The following DPP6 variants were observed in gnomAD, a reference collection of about 807,000 sequenced individuals.
DPP6 encodes the protein A-type potassium channel modulatory protein DPP6.
DPP6 carries 69 observed loss-of-function variants against 122.6 expected under a neutral mutation model. That is an observed-to-expected ratio of 0.56 (90% CI 0.46 to 0.69). The LOEUF is 0.69. Ranked by LOEUF, DPP6 falls within the 30% of genes least tolerant of loss-of-function variation. The probability of loss-of-function intolerance (pLI) is 0.00; values close to 1 mark genes in which losing one functional copy is unlikely to be tolerated. For synonymous variants in DPP6, 418 were observed against 433.1 expected (o/e 0.97, Z 0.43); for missense variants, 928 against 1,116.9 (o/e 0.83, Z 2.41).
intron 1 of DPP6, among the ~76,000 whole-genome samples, chr7:154,346,368 G>A (rs1235653353): frequency 2.0e-5 from 3 of 151,902 alleles, no homozygotes; most frequent in Non-Finnish European, 4.4e-5. Context: ...AATGAATGGC[G>A]CAATCTCGGC....
chr7:154,509,907 A>C lies in DPP6; in HGVS notation c.458-30625A>C, dbSNP rs137884433. ...GAACTCTATACAGACAGAAAATGGG[A>C]TAGTGGTTGCTTAGAATGGGGGTGA... On this transcript the variant is annotated intron_variant, in intron 3 of 25. Coordinates refer to ENST00000377770, the MANE Select transcript of DPP6 (RefSeq NM_130797.4). 1.5e-3 allele frequency among the ~76,000 whole-genome samples: 226 copies of C among 152,256 alleles called. 1 individual carries two copies. The highest frequency in any genetic ancestry group is 6.8e-3 in the Middle Eastern group (2 of 294).
At chr7:153,764,966 C>T in the DPP6 span, among the ~76,000 whole-genome samples, 9 of 152,316 alleles carry the variant, frequency 5.9e-5, no homozygotes, top group South Asian at 4.1e-4. Context: ...GGCTCTGTGA[C>T]GCCGAATGGC....
intron 1 of DPP6, among the ~76,000 whole-genome samples, chr7:154,277,251 G>T (rs1040088810): frequency 2.0e-5 from 3 of 152,114 alleles, no homozygotes; most frequent in African/African-American, 4.8e-5. Flanking sequence ...GGAGTAGGTC[G>T]ATCTGCAAAT....
chr7:154,533,648 A>T lies in DPP6; in HGVS notation c.458-6884A>T, dbSNP rs150541519. On this transcript the variant is annotated intron_variant, in intron 3 of 25. Coordinates refer to ENST00000377770, the MANE Select transcript of DPP6 (RefSeq NM_130797.4). ...AATCACAAGAAAAAAAAGAATTAAG[A>T]CCAATATCCTTCATGATCATGAGGC... Among the ~76,000 whole-genome samples, 9 of 152,266 alleles carry T rather than the reference A, an allele frequency of 5.9e-5. No homozygotes were observed. The East Asian group carries it at 1.5e-3, about 26-fold the overall frequency.
chr7:154,063,548 G>C (rs1315970162), intron 1 of DPP6, among the ~76,000 whole-genome samples: 5 of 130,650 alleles, frequency 3.8e-5, no homozygotes, highest in Admixed American at 8.0e-5. Context: ...GCGAGGGTGG[G>C]GACTGAGAGC....
At chr7:154,848,664 G>A (rs1206833140) in intron 16 of DPP6, among the ~76,000 whole-genome samples, 1 of 152,194 alleles carries the variant, frequency 6.6e-6, no homozygotes, top group Non-Finnish European at 1.5e-5. Context: ...AATTTAGGAT[G>A]ATGCAATCCC....
intron 1 of DPP6, among the ~76,000 whole-genome samples, chr7:154,338,914 C>G (rs1218021520): frequency 6.6e-6 from 1 of 152,216 alleles, no homozygotes; most frequent in African/African-American, 2.4e-5. Flanking sequence ...TCTGCGCGTT[C>G]ATCCGTTTCT....
chr7:154,365,685 G>A (rs1812098681), intron 1 of DPP6, among the ~76,000 whole-genome samples: 2 of 152,150 alleles, frequency 1.3e-5, no homozygotes, highest in Non-Finnish European at 2.9e-5. Context: ...CAGGCGCGGT[G>A]GCTCATGCCT....
chr7:153,765,450 G>A, the DPP6 span, among the ~76,000 whole-genome samples: 1 of 151,874 alleles, frequency 6.6e-6, no homozygotes, highest in Non-Finnish European at 1.5e-5. Flanking sequence ...GCTGAGGCAG[G>A]AGAATCCCTT....
At chr7:154,076,337 C>T (rs1192006073) in intron 1 of DPP6, among the ~76,000 whole-genome samples, 1 of 151,868 alleles carries the variant, frequency 6.6e-6, no homozygotes, top group African/African-American at 2.4e-5. Context: ...GTAATCCCAG[C>T]TACTCGGGAG....
At chr7:154,544,386 C>A (rs1204343616) in intron 4 of DPP6, among the ~76,000 whole-genome samples, 1 of 152,142 alleles carries the variant, frequency 6.6e-6, no homozygotes, top group Non-Finnish European at 1.5e-5. Flanking sequence ...CTCTCCTCAG[C>A]TGTAAAGGCT....
chr7:154,587,919 C>T, intron 5 of DPP6: 1 of 1,612,920 alleles, frequency 6.2e-7, no homozygotes, highest in Non-Finnish European at 8.5e-7. Flanking sequence ...TCCCAGGAGG[C>T]AGGACTGCCA....
intron 1 of DPP6, among the ~76,000 whole-genome samples, chr7:154,150,251 T>G (rs530645131): frequency 1.3e-5 from 2 of 152,122 alleles, no homozygotes; most frequent in East Asian, 3.9e-4. Context: ...TTTTGAGAGC[T>G]CCCTCTCTCA....
chr7:154,798,158 C>T (rs1798153976), intron 12 of DPP6, among the ~76,000 whole-genome samples: 2 of 152,332 alleles, frequency 1.3e-5, no homozygotes, highest in South Asian at 4.1e-4. Context: ...AGCTGGCTTC[C>T]CAGCTGGCCA....
At chr7:154,212,584 G>A (rs1169289741) in intron 1 of DPP6, among the ~76,000 whole-genome samples, 1 of 152,152 alleles carries the variant, frequency 6.6e-6, no homozygotes, top group African/African-American at 2.4e-5. Context: ...TGGGAGAGCC[G>A]GGGAGCATGA....
intron 1 of DPP6, among the ~76,000 whole-genome samples, chr7:154,147,106 G>T (rs1371992171): frequency 1.3e-5 from 2 of 152,074 alleles, no homozygotes; most frequent in African/African-American, 4.8e-5. Context: ...TCCACTAAAG[G>T]CCAGAACATT....
intron 1 of DPP6, among the ~76,000 whole-genome samples, chr7:154,188,369 C>T (rs1211926751): frequency 6.6e-6 from 1 of 151,962 alleles, no homozygotes; most frequent in Non-Finnish European, 1.5e-5. Context: ...TTTAGGTATA[C>T]AAAGATTAAT....
chr7:154,109,584 G>T (rs1483927240), intron 1 of DPP6, among the ~76,000 whole-genome samples: 3 of 152,178 alleles, frequency 2.0e-5, no homozygotes, highest in African/African-American at 7.2e-5. Flanking sequence ...GAGCCACCGC[G>T]CCTGGCCGCT....
intron 1 of DPP6, among the ~76,000 whole-genome samples, chr7:154,350,200 G>C (rs1810732165): frequency 6.6e-6 from 1 of 152,212 alleles, no homozygotes; most frequent in Non-Finnish European, 1.5e-5. Context: ...GGGCTGGAAG[G>C]TTCAGTGGGA....
Sources: gnomAD v4.1 joint callset for allele counts (sites outside exome capture counted in the v4.1 genomes callset) on GRCh38, gnomAD v4.1.1 for gene constraint, MANE v1.5 for transcripts, NCBI Gene and HGNC (gene_info 2026-07-23, HGNC 2026-07-21) for gene names.